Variants in FGF10 observed in about 807,000 individuals in gnomAD.
FGF10 encodes the protein FGF-10.
In FGF10, 2 loss-of-function variants were observed where a neutral mutation model predicts 19.8. That is an observed-to-expected ratio of 0.10 (90% CI 0.04 to 0.32). The LOEUF is 0.32. Ranked by LOEUF, FGF10 falls within the 10% of genes least tolerant of loss-of-function variation. The pLI is 1.00. For synonymous variants in FGF10, 112 were observed against 94.0 expected, an observed-to-expected ratio of 1.19 and a Z score of -1.10; for missense variants, 191 against 246.3, an observed-to-expected ratio of 0.78 and a Z score of 1.50.
intron 1 of FGF10, among the ~76,000 whole-genome samples, chr5:44,363,746 T>A (rs573237538): frequency 1.3e-5 from 2 of 151,992 alleles, no homozygotes; most frequent in South Asian, 4.1e-4. Context: ...CCTATGTCAT[T>A]AAGAAATCTA....
chr5:44,310,397 T>C (rs960967610), intron 2 of FGF10, 30 bp downstream of exon 2: 1 of 1,453,498 alleles, frequency 6.9e-7, no homozygotes, highest in African/African-American at 1.4e-5. Flanking sequence ...TTTACTGGAG[T>C]GGATTTGAAA....
intron 1 of FGF10, among the ~76,000 whole-genome samples, chr5:44,351,968 A>G (rs1741243444): frequency 6.6e-6 from 1 of 151,660 alleles, no homozygotes; most frequent in Non-Finnish European, 1.5e-5. Flanking sequence ...TACTACTACT[A>G]ATTTTAATAC....
chr5:44,353,970 T>A (rs1741290442), intron 1 of FGF10, among the ~76,000 whole-genome samples: 1 of 151,538 alleles, frequency 6.6e-6, no homozygotes, highest in South Asian at 2.1e-4. Context: ...TATTTTTTTC[T>A]TTCATATTGG....
chr5:44,323,507 G>A (rs889570358), intron 1 of FGF10, among the ~76,000 whole-genome samples: 1 of 152,062 alleles, frequency 6.6e-6, no homozygotes, highest in African/African-American at 2.4e-5. Flanking sequence ...CCACATGTGG[G>A]GAGGGAGCAT....
chr5:44,388,204 G>A (rs568796090), intron 1 of FGF10, among the ~76,000 whole-genome samples, 154 bp downstream of exon 1: 1 of 152,020 alleles, frequency 6.6e-6, no homozygotes, highest in East Asian at 1.9e-4. Flanking sequence ...CACGGGGGTT[G>A]GGGGGTGAAT....
At chr5:44,383,379 C>T (rs138239281) in intron 1 of FGF10, among the ~76,000 whole-genome samples, 3 of 152,166 alleles carry the variant, frequency 2.0e-5, no homozygotes, top group Admixed American at 6.5e-5. Flanking sequence ...CTATAAGACA[C>T]GCTTCTTCTA....
chr5:44,337,982 C>T (rs1033552023), intron 1 of FGF10, among the ~76,000 whole-genome samples: 1 of 151,726 alleles, frequency 6.6e-6, no homozygotes, highest in Non-Finnish European at 1.5e-5. Flanking sequence ...GTAATGATGA[C>T]AAAGTGAAAA....
chr5:44,312,635 A>G (rs1740239432), intron 1 of FGF10, among the ~76,000 whole-genome samples: 1 of 152,076 alleles, frequency 6.6e-6, no homozygotes, highest in African/African-American at 2.4e-5. Context: ...TTTATGTCAT[A>G]AGCAGAAGAT....
At chr5:44,312,787 C>G (rs1005353805) in intron 1 of FGF10, among the ~76,000 whole-genome samples, 1 of 151,906 alleles carries the variant, frequency 6.6e-6, no homozygotes, top group Admixed American at 6.6e-5. Context: ...ATTAATAGAA[C>G]AAAGAGGAAT....
In FGF10 at chr5:44,310,390, A is replaced by C. The variant is rs6881797; in HGVS notation, c.429+37T>G. ...CTTTCCAAAACTATGGTAATGGTTT[A>C]CTGGAGTGGATTTGAAAACAAAAGC... On this transcript the variant is annotated intron_variant, in intron 2 of 2. Coordinates refer to ENST00000264664, the MANE Select transcript of FGF10 (RefSeq NM_004465.2). 2.9e-6 allele frequency: 4 copies of C among 1,385,572 alleles called. No individual in the cohort carries two copies. In the African/African-American group the frequency reaches 4.3e-5, roughly 15 times the overall value. The allele number at this position is 1,385,572 out of a possible 1,614,324, so 85.8% of individuals were successfully genotyped here. A position where few individuals can be genotyped will look rare whatever the true frequency, so the allele number is the denominator to read the frequency against.
intron 1 of FGF10, among the ~76,000 whole-genome samples, chr5:44,317,796 A>G (rs931574390): frequency 1.3e-5 from 2 of 152,118 alleles, no homozygotes; most frequent in African/African-American, 2.4e-5. Flanking sequence ...ATATTTCAGG[A>G]AATAATTACT....
intron 1 of FGF10, among the ~76,000 whole-genome samples, chr5:44,386,598 T>A (rs1742103044): frequency 6.6e-6 from 1 of 152,206 alleles, no homozygotes; most frequent in African/African-American, 2.4e-5. Context: ...ACATAGGATC[T>A]AATGAATTCG....
intron 1 of FGF10, among the ~76,000 whole-genome samples, chr5:44,386,200 T>C (rs1324571474): frequency 1.3e-5 from 2 of 152,128 alleles, no homozygotes; most frequent in Non-Finnish European, 2.9e-5. Flanking sequence ...ACTGTGGAAA[T>C]CATTTTACTC....
chr5:44,347,030 C>A (rs1232061847), intron 1 of FGF10, among the ~76,000 whole-genome samples: 1 of 151,584 alleles, frequency 6.6e-6, no homozygotes, highest in East Asian at 2.0e-4. Context: ...ACAGCATAAT[C>A]ACCATGAGGG....
chr5:44,356,674 T>A (rs77909882), intron 1 of FGF10, among the ~76,000 whole-genome samples: 1,997 of 151,578 alleles, frequency 0.013, 87 homozygotes, highest in East Asian at 0.12. Flanking sequence ...TTGTACAGCA[T>A]TATCAACTTT....
intron 1 of FGF10, among the ~76,000 whole-genome samples, chr5:44,345,420 C>T (rs1741066877): frequency 1.3e-5 from 2 of 151,774 alleles, no homozygotes; most frequent in Non-Finnish European, 1.5e-5. Context: ...AACTTCCATT[C>T]ATCTTAACCA....
intron 1 of FGF10, among the ~76,000 whole-genome samples, chr5:44,327,801 A>G (rs569620933): frequency 6.6e-6 from 1 of 152,306 alleles, no homozygotes; most frequent in East Asian, 1.9e-4. Flanking sequence ...GAAGCACACA[A>G]CCATTTCACA....
intron 1 of FGF10, among the ~76,000 whole-genome samples, chr5:44,383,917 A>G (rs995952647): frequency 1.3e-5 from 2 of 152,056 alleles, no homozygotes; most frequent in African/African-American, 4.8e-5. Flanking sequence ...TTCCTCAACA[A>G]TTATTTTTTT....
At chr5:44,328,148 G>A (rs1740654392) in intron 1 of FGF10, among the ~76,000 whole-genome samples, 2 of 152,120 alleles carry the variant, frequency 1.3e-5, no homozygotes, top group South Asian at 4.2e-4. Context: ...GTTGAGTGAA[G>A]AGAGTACTGC....
Sources: gnomAD v4.1 joint callset for allele counts (sites outside exome capture counted in the v4.1 genomes callset) on GRCh38, gnomAD v4.1.1 for gene constraint, MANE v1.5 for transcripts, NCBI Gene and HGNC (gene_info 2026-07-23, HGNC 2026-07-21) for gene names.